Variants in HPS4 observed in about 807,000 individuals in gnomAD.
The protein encoded by HPS4 is BLOC-3 complex member HPS4.
In HPS4, 44 loss-of-function variants were observed where a neutral mutation model predicts 70.3. That is an observed-to-expected ratio of 0.63 (90% CI 0.49 to 0.80). The LOEUF is 0.80. HPS4 is among the 30% of genes least tolerant of loss of function. The probability of loss-of-function intolerance (pLI) is 0.00; values close to 1 mark genes in which losing one functional copy is unlikely to be tolerated. For missense variants in HPS4, 873 were observed against 884.4 expected (o/e 0.99, Z 0.16); for synonymous variants, 377 against 355.9 (o/e 1.06, Z -0.67).
chr22:26,464,366 T>A lies in HPS4; in HGVS notation c.1264A>T (p.Ile422Phe). The A allele has an allele frequency of 1.9e-6, 3 of 1,614,176 alleles. No individual in the cohort carries two copies. The highest frequency in any genetic ancestry group is 2.5e-6 in the Non-Finnish European group (3 of 1,180,030). Residue 422 changes from isoleucine to phenylalanine, a missense_variant, in exon 11 of 14, where the codon ATC becomes TTC. Ile to Phe is a conservative substitution (Grantham distance 21). Transcript: ENST00000398145. ...LEPTPPEDTA[I>F]SSLRPPSAPE... ...GCAGAGGGAGGGCGCAAGCTGCTGA[T>A]GGCTGTGTCCTCAGGAGGCGTGGGT...
chr22:26,453,019 T>C lies in HPS4; in HGVS notation c.*214A>G, dbSNP rs2085461351. On this transcript the variant is annotated 3_prime_UTR_variant, in exon 14 of 14. Transcript: ENST00000398145. ...ACACTACCGATTAAATACAGTTCTT[T>C]ATCAAGTGCTCTGGGTCTGCCGACC... The C allele has an allele frequency of 1.7e-6, 1 of 578,382 alleles. No individual in the cohort carries two copies. Among genetic ancestry groups the C allele is most frequent in the Non-Finnish European group, 3.1e-6 (1 of 326,292 alleles). 35.8% of individuals were successfully genotyped at this position (578,382 alleles called of 1,614,324 possible).
intron 4 of HPS4, chr22:26,476,546 C>T (rs2090570682): frequency 5.8e-6 from 1 of 172,558 alleles, no homozygotes; most frequent in African/African-American, 2.4e-5. Flanking sequence ...GGGGGTCTTA[C>T]TATGTTGCCC....
At chr22:26,458,059 CA>C in intron 12 of HPS4, 92 bp from the exon 13 acceptor site, 1 of 1,102,160 alleles carries the variant, frequency 9.1e-7, no homozygotes. Flanking sequence ...GGGGACTGAG[CA>C]CGGCTCAAGG....
chr22:26,482,710 TTACTC>T (rs1463019125), intron 1 of HPS4: 60 of 152,208 alleles, frequency 3.9e-4, no homozygotes, highest in Admixed American at 3.9e-3. Flanking sequence ...CTGGCATCGT[TTACTC>T]TACTCTCCTG....
intron 3 of HPS4, among the ~76,000 whole-genome samples, chr22:26,445,591 G>A (rs1328219859): frequency 1.3e-5 from 2 of 152,208 alleles, no homozygotes; most frequent in African/African-American, 4.8e-5. Context: ...TCCGTGCCAG[G>A]AGTTTGCACC....
chr22:26,468,464 C>T, intron 8 of HPS4, 87 bp downstream of exon 8: 1 of 1,153,678 alleles, frequency 8.7e-7, no homozygotes, highest in Middle Eastern at 2.1e-4. Flanking sequence ...TGCTCCACGG[C>T]CTCTGCTCCT....
At chr22:26,469,687 C>CAAA (rs781594494) in intron 7 of HPS4, among the ~76,000 whole-genome samples, 1 of 57,634 alleles carries the variant, frequency 1.7e-5, no homozygotes, top group Non-Finnish European at 3.7e-5. Flanking sequence ...CTCGTCCCTA[C>CAAA]AAAAAAAAAA....
At chr22:26,477,679 C>A in intron 3 of HPS4, among the ~76,000 whole-genome samples, 1 of 152,108 alleles carries the variant, frequency 6.6e-6, no homozygotes, top group Non-Finnish European at 1.5e-5. Context: ...ATACACCACC[C>A]ATGAAGAATT....
At chr22:26,458,319 C>A in intron 12 of HPS4, 126 bp downstream of exon 12, 1 of 1,191,326 alleles carries the variant, frequency 8.4e-7, no homozygotes, top group Non-Finnish European at 1.2e-6. Flanking sequence ...GAGAAGAGAG[C>A]CCTGAACGCA....
intron 12 of HPS4, 28 bp from the exon 13 acceptor site, chr22:26,457,995 A>G (rs1420506749): frequency 6.4e-7 from 1 of 1,565,012 alleles, no homozygotes; most frequent in Middle Eastern, 1.8e-4. Context: ...AGAGTTGTGA[A>G]GAGCAGACAG....
downstream of HPS4, among the ~76,000 whole-genome samples, chr22:26,449,158 GCC>G (rs572007023): frequency 3.3e-3 from 504 of 152,064 alleles, 4 homozygotes; most frequent in African/African-American, 0.012. Context: ...CCTCATCAGT[GCC>G]CAGGCTCGTC....
rs1569136621 is a variant in HPS4 at position 26,481,711 on chromosome 22, T to TTGTTAC, written c.41+5_41+10dup. 1.2e-6 allele frequency: 2 copies of TTGTTAC among 1,613,924 alleles called. No individual in the cohort carries two copies. Among genetic ancestry groups the TTGTTAC allele is most frequent in the South Asian group, 2.2e-5 (2 of 91,084 alleles). On this transcript the variant is annotated intron_variant, in intron 2 of 13. Coordinates refer to ENST00000398145, the MANE Select transcript of HPS4 (RefSeq NM_022081.6). ...AGCAAAAGCTATGCCATGGCAGGCCTTGTTACTCACCACGAGGCTGACTTT... is the reference window on the plus strand; with the variant it reads ...AGCAAAAGCTATGCCATGGCAGGCCTTGTTACTGTTACTCACCACGAGGCTGACTTT...
intron 4 of HPS4, among the ~76,000 whole-genome samples, chr22:26,474,397 C>A (rs1262733447): frequency 6.6e-6 from 1 of 151,662 alleles, no homozygotes; most frequent in Non-Finnish European, 1.5e-5. Context: ...AAAAAAAGAT[C>A]CTTGACCTCT....
Position 26,479,289 on chromosome 22 carries a change from G to A in HPS4, c.108C>T (p.Gly36=), listed in dbSNP as rs146176609. 2.0e-5 allele frequency: 33 copies of A among 1,614,148 alleles called. 1 individual carries two copies. The South Asian group carries it at 2.3e-4, about 11-fold the overall frequency. ...VKEEGDPTRA[G]ICYFYPSQTL... is the part of the protein sequence containing the mutation. ...CCTGGGAAGGATAAAAGTAACAAATGCCAGCTCTTGTTGGATCGCCTTCTT... is the reference window on the plus strand; with the variant it reads ...CCTGGGAAGGATAAAAGTAACAAATACCAGCTCTTGTTGGATCGCCTTCTT... The change falls in exon 3 of 14, where the codon GGC becomes GGT. Residue 36 remains glycine (G), a synonymous_variant. Coordinates refer to ENST00000398145, the MANE Select transcript of HPS4 (RefSeq NM_022081.6).
At chr22:26,478,875 G>C (rs1473300566) in intron 3 of HPS4, among the ~76,000 whole-genome samples, 1 of 151,966 alleles carries the variant, frequency 6.6e-6, no homozygotes, top group South Asian at 2.1e-4. Flanking sequence ...GTAGAGACAG[G>C]GTTTCATCAT....
chr22:26,479,442 G>A, intron 2 of HPS4, 87 bp from the exon 3 acceptor site: 2 of 1,561,088 alleles, frequency 1.3e-6, no homozygotes, highest in Admixed American at 3.8e-5. Flanking sequence ...CCAGCCCGAG[G>A]AGGGCTTATT....
chr22:26,479,601 T>A (rs958432036), intron 2 of HPS4: 2 of 1,345,806 alleles, frequency 1.5e-6, no homozygotes, highest in Non-Finnish European at 1.9e-6. Flanking sequence ...AAGACACGAG[T>A]AGCTAGAAAA....
intron 3 of HPS4, among the ~76,000 whole-genome samples, chr22:26,478,821 T>C (rs1192480532): frequency 4.6e-5 from 7 of 151,894 alleles, no homozygotes; most frequent in Non-Finnish European, 2.9e-5. Flanking sequence ...GTAGCTGGGA[T>C]TACAGGAGCG....
intron 11 of HPS4, among the ~76,000 whole-genome samples, chr22:26,463,541 A>T (rs951427721): frequency 5.3e-5 from 8 of 152,244 alleles, no homozygotes; most frequent in African/African-American, 1.2e-4. Context: ...CTGAGGAGTT[A>T]GCCAAGGCTC....
Sources: gnomAD v4.1 joint callset for allele counts (sites outside exome capture counted in the v4.1 genomes callset) on GRCh38, gnomAD v4.1.1 for gene constraint, MANE v1.5 for transcripts, NCBI Gene and HGNC (gene_info 2026-07-23, HGNC 2026-07-21) for gene names.